SUMF1: variants seen among roughly 807,000 people sequenced by gnomAD.
The protein encoded by SUMF1 is formylglycine-generating enzyme.
A neutral mutation model predicts 47.6 loss-of-function variants in SUMF1; 48 were observed. The ratio of observed to expected loss-of-function variants is 1.01; its 90% CI spans 0.80 to 1.28. The LOEUF is 1.28. Among genes scored for constraint, SUMF1 ranks in the 50% most tolerant of loss-of-function variants. SUMF1 has a pLI of 0.00. For synonymous variants in SUMF1, 230 were observed against 192.1 expected, an observed-to-expected ratio of 1.20 and a Z score of -1.63; for missense variants, 571 against 485.4, an observed-to-expected ratio of 1.18 and a Z score of -1.66.
chr3:4,084,913 G>A (rs947492072), intron 8 of SUMF1, among the ~76,000 whole-genome samples: 1 of 152,024 alleles, frequency 6.6e-6, no homozygotes. Context: ...CAACATAACA[G>A]GTCAAGTTTC....
intron 8 of SUMF1, among the ~76,000 whole-genome samples, chr3:4,135,404 C>T (rs946575976): frequency 2.0e-5 from 3 of 152,018 alleles, no homozygotes; most frequent in African/African-American, 7.3e-5. Flanking sequence ...GCAGAAAAGG[C>T]CTTTGACAAA....
intron 8 of SUMF1, among the ~76,000 whole-genome samples, chr3:4,351,932 G>T (rs1425245953): frequency 1.3e-5 from 2 of 152,250 alleles, no homozygotes; most frequent in East Asian, 3.9e-4. Context: ...TTCAAAATCT[G>T]AAGAAGAAAT....
chr3:4,419,831 G>A (rs1701831668), intron 4 of SUMF1, among the ~76,000 whole-genome samples: 1 of 152,230 alleles, frequency 6.6e-6, no homozygotes. Context: ...TCTTTGACAA[G>A]CCAAATGAGG....
downstream of SUMF1, among the ~76,000 whole-genome samples, chr3:4,360,987 T>C (rs934958849): frequency 6.6e-6 from 1 of 152,244 alleles, no homozygotes; most frequent in African/African-American, 2.4e-5. Flanking sequence ...GCCTTGCTTT[T>C]TGGAACAAAA....
At chr3:4,178,598 A>C (rs2125131332) in intron 8 of SUMF1, among the ~76,000 whole-genome samples, 1 of 152,344 alleles carries the variant, frequency 6.6e-6, no homozygotes, top group Admixed American at 6.5e-5. Context: ...TGAATGGGCA[A>C]AAACTGGAAG....
At chr3:4,244,619 A>T (rs1696618541) in intron 8 of SUMF1, among the ~76,000 whole-genome samples, 1 of 152,132 alleles carries the variant, frequency 6.6e-6, no homozygotes, top group African/African-American at 2.4e-5. Context: ...TTCTGCAGAG[A>T]GATTTGCTGT....
At chr3:4,466,763 A>G (rs1033769388) in intron 1 of SUMF1, among the ~76,000 whole-genome samples, 5 of 152,236 alleles carry the variant, frequency 3.3e-5, no homozygotes, top group African/African-American at 1.2e-4. Flanking sequence ...AGAAGTAACA[A>G]TAACCCTCAA....
At chr3:4,171,679 A>G (rs980430348) in intron 8 of SUMF1, among the ~76,000 whole-genome samples, 21 of 152,148 alleles carry the variant, frequency 1.4e-4, no homozygotes, top group Non-Finnish European at 1.5e-5. Context: ...GCTTCAAACT[A>G]ACAGCAAGTT....
chr3:4,290,061 A>T (rs984637185), intron 8 of SUMF1, among the ~76,000 whole-genome samples: 10 of 152,238 alleles, frequency 6.6e-5, no homozygotes, highest in Non-Finnish European at 1.0e-4. Flanking sequence ...TAGCCATTCA[A>T]TCTGGTGAAT....
intron 7 of SUMF1, among the ~76,000 whole-genome samples, chr3:4,388,239 T>C (rs1700736996): frequency 6.6e-6 from 1 of 152,110 alleles, no homozygotes; most frequent in South Asian, 2.1e-4. Context: ...TTCACATGTT[T>C]CAGCTCCATT....
chr3:4,274,829 C>T (rs185450084), intron 8 of SUMF1, among the ~76,000 whole-genome samples: 4 of 152,256 alleles, frequency 2.6e-5, no homozygotes, highest in Non-Finnish European at 5.9e-5. Flanking sequence ...GGTCTGGAAT[C>T]ACAGGTTGAA....
chr3:4,162,709 T>C (rs1694606414), intron 8 of SUMF1, among the ~76,000 whole-genome samples: 2 of 152,156 alleles, frequency 1.3e-5, no homozygotes, highest in South Asian at 4.1e-4. Flanking sequence ...GTGTCAGTAA[T>C]TCAAGGGTGT....
chr3:4,220,472 A>G (rs1696037076), intron 8 of SUMF1, among the ~76,000 whole-genome samples: 1 of 151,928 alleles, frequency 6.6e-6, no homozygotes, highest in African/African-American at 2.4e-5. Flanking sequence ...ATTCTGTGAA[A>G]CCACAGAATG....
At chr3:4,216,358 A>C (rs1289685252) in intron 8 of SUMF1, among the ~76,000 whole-genome samples, 34 of 152,174 alleles carry the variant, frequency 2.2e-4, no homozygotes, top group Non-Finnish European at 2.9e-5. Context: ...CTGAAACTGG[A>C]ACCCTTCCTT....
intron 8 of SUMF1, among the ~76,000 whole-genome samples, chr3:4,156,762 C>G (rs765013406): frequency 6.6e-6 from 1 of 151,638 alleles, no homozygotes; most frequent in Admixed American, 6.6e-5. Flanking sequence ...ATCTATTGCC[C>G]TAATTGCTAG....
chr3:4,123,808 G>A (rs866399718), intron 8 of SUMF1, among the ~76,000 whole-genome samples: 1 of 152,090 alleles, frequency 6.6e-6, no homozygotes, highest in East Asian at 1.9e-4. Context: ...CTGAGGTCTT[G>A]TTCTTGTATA....
intron 9 of SUMF1, among the ~76,000 whole-genome samples, chr3:4,039,398 G>C (rs1439561070): frequency 9.5e-4 from 60 of 63,486 alleles, no homozygotes; most frequent in South Asian, 2.0e-3. Context: ...ACAGTCCCCA[G>C]AGTGTGATAT....
chr3:4,050,015 C>T (rs897679042), intron 9 of SUMF1, among the ~76,000 whole-genome samples: 18 of 151,994 alleles, frequency 1.2e-4, no homozygotes, highest in Non-Finnish European at 2.6e-4. Context: ...TCGGATGGCC[C>T]TTCTCTTCTC....
At chr3:4,432,909 G>A (rs919816102) in intron 3 of SUMF1, among the ~76,000 whole-genome samples, 40 of 152,096 alleles carry the variant, frequency 2.6e-4, no homozygotes, top group African/African-American at 8.9e-4. Context: ...AGGTTTGCAT[G>A]ATTTCCAAAC....
Sources: allele counts gnomAD v4.1 joint callset (sites outside exome capture counted in the v4.1 genomes callset), GRCh38; gene constraint gnomAD v4.1.1; transcripts MANE v1.5; gene names NCBI Gene and HGNC (gene_info 2026-07-23, HGNC 2026-07-21).